TMEM120B: variants seen among roughly 807,000 people sequenced by gnomAD.
The protein encoded by TMEM120B is transmembrane protein 120B.
TMEM120B carries 31 observed loss-of-function variants against 55.5 expected under a neutral mutation model. That is an observed-to-expected ratio of 0.56 (90% CI 0.42 to 0.75). The LOEUF (loss-of-function observed/expected upper bound fraction) is 0.75, where lower values mean the gene tolerates loss of function less well. TMEM120B is among the 30% of genes least tolerant of loss of function. The pLI is 0.00. For missense variants in TMEM120B, 399 were observed against 425.5 expected, an observed-to-expected ratio of 0.94 and a Z score of 0.55; for synonymous variants, 203 against 176.3, an observed-to-expected ratio of 1.15 and a Z score of -1.20.
intron 5 of TMEM120B, among the ~76,000 whole-genome samples, chr12:121,754,233 C>G (rs1873415346): frequency 6.6e-6 from 1 of 152,200 alleles, no homozygotes; most frequent in Non-Finnish European, 1.5e-5. Context: ...CACATCTGTA[C>G]TACTCCTCAT....
At chr12:121,714,557 C>CTT (rs897759057) in intron 1 of TMEM120B, among the ~76,000 whole-genome samples, 1,005 of 100,132 alleles carry the variant, frequency 0.01, 37 homozygotes, top group African/African-American at 0.035. Flanking sequence ...TCAGCCACTT[C>CTT]TTTTTTTTTT....
intron 5 of TMEM120B, among the ~76,000 whole-genome samples, chr12:121,755,128 C>T (rs778930931): frequency 1.4e-4 from 22 of 152,200 alleles, no homozygotes; most frequent in Non-Finnish European, 2.4e-4. Flanking sequence ...ATAGCTAGTG[C>T]GTCCACAGAG....
chr12:121,763,264 GCC>G (rs1566522666), intron 6 of TMEM120B, among the ~76,000 whole-genome samples: 6 of 143,908 alleles, frequency 4.2e-5, no homozygotes, highest in African/African-American at 1.3e-4. Context: ...CCGGGTTCAC[GCC>G]ATTCTCCTGC....
intron 9 of TMEM120B, among the ~76,000 whole-genome samples, chr12:121,773,936 A>G (rs140751318): frequency 6.7e-5 from 10 of 150,244 alleles, no homozygotes; most frequent in African/African-American, 2.0e-4. Flanking sequence ...ACTGTTTTTA[A>G]TACAACTCTG....
intron 1 of TMEM120B, among the ~76,000 whole-genome samples, chr12:121,738,079 C>A (rs1247803296): frequency 6.7e-6 from 1 of 149,340 alleles, no homozygotes; most frequent in Non-Finnish European, 1.5e-5. Context: ...TACTAAAAAT[C>A]TACTCTACTA....
Position 121,780,448 on chromosome 12 carries a change from A to G in TMEM120B, c.*4726A>G. On this transcript the variant is annotated 3_prime_UTR_variant, in exon 12 of 12. Transcript: ENST00000449592. ...CTGTTTATTCCCCCATGCCTCACCC[A>G]AAGAGTTGCACGGTCAATTGGCCCG... 1 of 289,050 alleles carries G rather than the reference A, an allele frequency of 3.5e-6. No individual in the cohort carries two copies. Among genetic ancestry groups the G allele is most frequent in the Non-Finnish European group, 6.5e-6 (1 of 153,582 alleles). The allele number at this position is 289,050 out of a possible 1,614,324, so 17.9% of individuals were successfully genotyped here.
At chr12:121,773,368 C>G (rs780516398) in intron 8 of TMEM120B, 53 bp from the exon 9 acceptor site, 2 of 1,530,248 alleles carry the variant, frequency 1.3e-6, no homozygotes, top group African/African-American at 2.7e-5. Context: ...AGGTGTGGCC[C>G]TGTCTTCCGG....
At chr12:121,745,731 C>A (rs1873061989) in intron 2 of TMEM120B, among the ~76,000 whole-genome samples, 1 of 152,118 alleles carries the variant, frequency 6.6e-6, no homozygotes, top group African/African-American at 2.4e-5. Flanking sequence ...GTCACCCAGG[C>A]TGGAGTGCAG....
intron 9 of TMEM120B, 66 bp from the exon 10 acceptor site, chr12:121,774,592 G>C (rs1050681191): frequency 1.3e-6 from 2 of 1,518,398 alleles, no homozygotes; most frequent in Non-Finnish European, 1.8e-6. Context: ...GGGGGTGGGC[G>C]TCTGGTGGAG....
chr12:121,764,610 T>C (rs1873787171), intron 6 of TMEM120B, among the ~76,000 whole-genome samples: 1 of 150,844 alleles, frequency 6.6e-6, no homozygotes, highest in South Asian at 2.1e-4. Flanking sequence ...GCCCAGGAGG[T>C]TGAGGCCACT....
intron 1 of TMEM120B, among the ~76,000 whole-genome samples, chr12:121,717,106 G>A (rs1339504096): frequency 6.6e-6 from 1 of 152,198 alleles, no homozygotes; most frequent in African/African-American, 2.4e-5. Context: ...TTTCAGGCAT[G>A]CTGGTGAGTT....
intron 1 of TMEM120B, among the ~76,000 whole-genome samples, chr12:121,715,183 A>G (rs1453742865): frequency 6.6e-6 from 1 of 151,952 alleles, no homozygotes; most frequent in Non-Finnish European, 1.5e-5. Context: ...TAAAAATGCA[A>G]AATTAGCTGG....
At chr12:121,770,370 C>T (rs1566525533) in intron 6 of TMEM120B, among the ~76,000 whole-genome samples, 1 of 152,160 alleles carries the variant, frequency 6.6e-6, no homozygotes, top group East Asian at 1.9e-4. Context: ...TCAGTCCCCT[C>T]TTCAAAGGCC....
Position 121,778,520 on chromosome 12 carries a change from G to A in TMEM120B, c.*2798G>A, listed in dbSNP as rs1282829185. ...CTTCCCAAAGGAGGCTCAGGGATTAGGTATCTGGCTGTTGGTGACACAGGT... is the reference window on the plus strand; with the variant it reads ...CTTCCCAAAGGAGGCTCAGGGATTAAGTATCTGGCTGTTGGTGACACAGGT... On this transcript the variant is annotated 3_prime_UTR_variant, in exon 12 of 12. Coordinates refer to ENST00000449592, the MANE Select transcript of TMEM120B (RefSeq NM_001080825.2). 6.6e-6 allele frequency: 1 copy of A among 151,982 alleles called. No homozygotes were observed. Among genetic ancestry groups the A allele is most frequent in the African/African-American group, 2.4e-5 (1 of 41,320 alleles). The allele number at this position is 151,982 out of a possible 1,614,324, so 9.4% of individuals were successfully genotyped here. A position where few individuals can be genotyped will look rare whatever the true frequency, so the allele number is the denominator to read the frequency against.
At chr12:121,713,359 T>A (rs961426769) in intron 1 of TMEM120B, among the ~76,000 whole-genome samples, 13 of 152,176 alleles carry the variant, frequency 8.5e-5, no homozygotes, top group African/African-American at 2.9e-4. Flanking sequence ...CATCTGCTTT[T>A]GGTAGCTCAG....
intron 1 of TMEM120B, among the ~76,000 whole-genome samples, chr12:121,735,970 C>T (rs550374549): frequency 4.0e-5 from 6 of 151,872 alleles, no homozygotes; most frequent in South Asian, 4.2e-4. Context: ...GATTACAGTG[C>T]GCCTGGCCAT....
chr12:121,754,459 A>G (rs181921271), intron 5 of TMEM120B, among the ~76,000 whole-genome samples: 36 of 152,218 alleles, frequency 2.4e-4, no homozygotes, highest in African/African-American at 8.7e-4. Flanking sequence ...CGACAGACAC[A>G]TTTTCCCACA....
At chr12:121,749,739 C>G (rs1393270547) in intron 3 of TMEM120B, among the ~76,000 whole-genome samples, 1 of 151,786 alleles carries the variant, frequency 6.6e-6, no homozygotes, top group African/African-American at 2.4e-5. Flanking sequence ...AACCCCTAAA[C>G]CTACTAAAAA....
chr12:121,739,004 T>C (rs956456087), intron 1 of TMEM120B, among the ~76,000 whole-genome samples: 1 of 152,082 alleles, frequency 6.6e-6, no homozygotes, highest in African/African-American at 2.4e-5. Flanking sequence ...CTGGCCAACA[T>C]GGTGAAACCC....
Sources: gnomAD v4.1 joint callset for allele counts (sites outside exome capture counted in the v4.1 genomes callset) on GRCh38, gnomAD v4.1.1 for gene constraint, MANE v1.5 for transcripts, NCBI Gene and HGNC (gene_info 2026-07-23, HGNC 2026-07-21) for gene names.